TGFBR3: variants seen among roughly 807,000 people sequenced by gnomAD.
TGFBR3 encodes transforming growth factor beta receptor type 3.
A neutral mutation model predicts 87.9 loss-of-function variants in TGFBR3; 46 were observed. The ratio of observed to expected loss-of-function variants is 0.52; its 90% CI spans 0.41 to 0.67. TGFBR3 has a LOEUF of 0.67. Among genes scored for constraint, TGFBR3 ranks in the 30% least tolerant of loss-of-function variants. The pLI is 0.00. For missense variants in TGFBR3, 866 were observed against 1,041.9 expected, an observed-to-expected ratio of 0.83 and a Z score of 2.32; for synonymous variants, 381 against 391.6, an observed-to-expected ratio of 0.97 and a Z score of 0.32.
chr1:91,846,831 T>A (rs1677520570), intron 2 of TGFBR3, among the ~76,000 whole-genome samples: 1 of 152,132 alleles, frequency 6.6e-6, no homozygotes, highest in Non-Finnish European at 1.5e-5. Flanking sequence ...GGGAAATCTA[T>A]TTTTTTCACT....
At chr1:91,732,794 T>C (rs1401728927) in intron 5 of TGFBR3, among the ~76,000 whole-genome samples, 6 of 152,206 alleles carry the variant, frequency 3.9e-5, no homozygotes. Context: ...TTAAGTTGGC[T>C]TCCCCTACCC....
chr1:91,852,643 C>T (rs57685511), intron 2 of TGFBR3, among the ~76,000 whole-genome samples: 13 of 152,014 alleles, frequency 8.6e-5, no homozygotes, highest in South Asian at 2.1e-4. Flanking sequence ...CTCGGCTCAC[C>T]GCAACCTCCG....
chr1:91,838,968 G>GT (rs1677168518), intron 2 of TGFBR3, among the ~76,000 whole-genome samples: 1 of 151,970 alleles, frequency 6.6e-6, no homozygotes, highest in African/African-American at 2.4e-5. Context: ...CAAATCTTAA[G>GT]TTTTTTTATG....
chr1:91,726,559 G>A (rs535836603), intron 7 of TGFBR3, among the ~76,000 whole-genome samples: 46 of 151,196 alleles, frequency 3.0e-4, no homozygotes, highest in Non-Finnish European at 5.6e-4. Flanking sequence ...AACCAGAAAC[G>A]ATTACTTTAA....
intron 2 of TGFBR3, among the ~76,000 whole-genome samples, chr1:91,811,444 G>A (rs1379402377): frequency 6.6e-6 from 1 of 152,154 alleles, no homozygotes; most frequent in East Asian, 1.9e-4. Context: ...CCAATAATTT[G>A]CATTATTGTA....
chr1:91,846,843 T>A (rs886696867), intron 2 of TGFBR3, among the ~76,000 whole-genome samples: 5 of 152,214 alleles, frequency 3.3e-5, no homozygotes, highest in Admixed American at 3.3e-4. Context: ...TTTTTCACTA[T>A]CTAATGTCAC....
intron 3 of TGFBR3, among the ~76,000 whole-genome samples, chr1:91,778,854 A>G (rs528550804): frequency 6.6e-6 from 1 of 152,330 alleles, no homozygotes; most frequent in Admixed American, 6.5e-5. Flanking sequence ...TAAAACAGTA[A>G]AAGAGAGTGT....
At chr1:91,897,635 T>A (rs897686101) in intron 2 of TGFBR3, among the ~76,000 whole-genome samples, 2 of 152,210 alleles carry the variant, frequency 1.3e-5, no homozygotes, top group African/African-American at 4.8e-5. Flanking sequence ...AGTGAGAATG[T>A]ATCATGCAGG....
At chr1:91,836,329 T>C (rs1677064296) in intron 2 of TGFBR3, among the ~76,000 whole-genome samples, 2 of 152,134 alleles carry the variant, frequency 1.3e-5, no homozygotes, top group African/African-American at 2.4e-5. Flanking sequence ...AATTGCTAAC[T>C]AAACAATAAT....
chr1:91,845,155 G>A (rs1677424167), intron 2 of TGFBR3, among the ~76,000 whole-genome samples: 2 of 152,136 alleles, frequency 1.3e-5, no homozygotes, highest in South Asian at 4.2e-4. Context: ...CTGAGTTCAG[G>A]GAGATCTGAC....
chr1:91,721,913 TG>T (rs765326120), intron 8 of TGFBR3, 41 bp downstream of exon 8: 4 of 1,581,012 alleles, frequency 2.5e-6, no homozygotes, highest in Non-Finnish European at 3.5e-6. Flanking sequence ...AAGCTTCATT[TG>T]GGGGGTATTT....
chr1:91,686,296 C>T (rs142206376), intron 16 of TGFBR3, among the ~76,000 whole-genome samples: 3 of 152,274 alleles, frequency 2.0e-5, no homozygotes, highest in Non-Finnish European at 4.4e-5. Context: ...TTCAACTTCC[C>T]GAGTTTTGGG....
At chr1:91,736,674 A>G (rs1003478355) in intron 4 of TGFBR3, among the ~76,000 whole-genome samples, 1 of 152,026 alleles carries the variant, frequency 6.6e-6, no homozygotes, top group Non-Finnish European at 1.5e-5. Flanking sequence ...ACTTCCAACA[A>G]TGTTTATCTA....
intron 2 of TGFBR3, among the ~76,000 whole-genome samples, chr1:91,806,182 G>C (rs1300127700): frequency 6.6e-6 from 1 of 152,126 alleles, no homozygotes; most frequent in Non-Finnish European, 1.5e-5. Context: ...TGGACACATG[G>C]GAAACGTTCC....
chr1:91,785,068 A>G lies in TGFBR3; in HGVS notation c.246+12219T>C, dbSNP rs58545171. On this transcript the variant is annotated intron_variant, in intron 3 of 16. Transcript: ENST00000212355. ...TGGGTGTGGCTTTAAAACTAATAAA[A>G]CTTTAAAAACAGGCATCGGACTGAT... Among the ~76,000 whole-genome samples, 883 of 152,340 alleles carry G rather than the reference A, an allele frequency of 5.8e-3. 16 individuals carry two copies. The highest frequency in any genetic ancestry group is 0.02 in the African/African-American group (846 of 41,566).
chr1:91,681,356 C>A lies in TGFBR3; in HGVS notation c.*2383G>T. 1 of 440,872 alleles carries A rather than the reference C, an allele frequency of 2.3e-6. No individual in the cohort carries two copies. Among genetic ancestry groups the A allele is most frequent in the Non-Finnish European group, 4.5e-6 (1 of 223,030 alleles). 27.3% of individuals were successfully genotyped at this position (440,872 alleles called of 1,614,324 possible). ...AGATTTCTTGATCTGAATAATAATT[C>A]TGACAATGAGACCCAAACAAATAAA... On this transcript the variant is annotated 3_prime_UTR_variant, in exon 17 of 17. Coordinates refer to ENST00000212355, the MANE Select transcript of TGFBR3 (RefSeq NM_003243.5).
intron 3 of TGFBR3, among the ~76,000 whole-genome samples, chr1:91,779,457 C>A (rs1257566819): frequency 6.6e-6 from 1 of 152,228 alleles, no homozygotes; most frequent in African/African-American, 2.4e-5. Flanking sequence ...GCGCTCTACC[C>A]CAGATCTTGC....
chr1:91,713,196 G>A (rs7521726), intron 12 of TGFBR3, among the ~76,000 whole-genome samples: 57,061 of 151,960 alleles, frequency 0.38, 11,155 homozygotes, highest in Non-Finnish European at 0.44. Context: ...CTCCCCCTTC[G>A]CTCCATAAGC....
intron 2 of TGFBR3, among the ~76,000 whole-genome samples, chr1:91,800,051 G>A (rs535284854): frequency 6.1e-4 from 93 of 151,758 alleles, no homozygotes; most frequent in Admixed American, 1.4e-3. Context: ...AGAAAGCAAT[G>A]CATGGGGCAC....
Sources: gnomAD v4.1 joint callset for allele counts (sites outside exome capture counted in the v4.1 genomes callset) on GRCh38, gnomAD v4.1.1 for gene constraint, MANE v1.5 for transcripts, NCBI Gene and HGNC (gene_info 2026-07-23, HGNC 2026-07-21) for gene names.